SNRNP40: variants seen among roughly 807,000 people sequenced by gnomAD.
SNRNP40 encodes U5 small nuclear ribonucleoprotein 40 kDa protein.
In SNRNP40, 21 loss-of-function variants were observed where a neutral mutation model predicts 45.8. The ratio of observed to expected loss-of-function variants is 0.46; its 90% confidence interval spans 0.32 to 0.66. SNRNP40 has a LOEUF of 0.66. Among genes scored for constraint, SNRNP40 ranks in the 30% least tolerant of loss-of-function variants. SNRNP40 has a pLI of 0.03. For missense variants in SNRNP40, 344 were observed against 439.1 expected (o/e 0.78, Z 1.94); for synonymous variants, 142 against 163.8 (o/e 0.87, Z 1.01).
At chr1:31,292,090 C>T (rs371553942) in intron 2 of SNRNP40, 84 bp from the exon 3 acceptor site, 62 of 836,750 alleles carry the variant, frequency 7.4e-5, no homozygotes, top group African/African-American at 4.0e-4. Flanking sequence ...AGGTCAGGCA[C>T]GGTGGCTCAC....
At chr1:31,277,338 CT>C (rs778285148) in intron 5 of SNRNP40, among the ~76,000 whole-genome samples, 54 of 152,324 alleles carry the variant, frequency 3.5e-4, no homozygotes, top group Non-Finnish European at 3.4e-4. Context: ...AGTGACTTAT[CT>C]ATTTTTATAA....
chr1:31,264,327 C>T (rs1278170663), intron 8 of SNRNP40, among the ~76,000 whole-genome samples: 1 of 152,132 alleles, frequency 6.6e-6, no homozygotes, highest in Non-Finnish European at 1.5e-5. Flanking sequence ...ATACTCATGC[C>T]CTTCCTACTG....
At chr1:31,264,844 G>A (rs1349194858) in intron 8 of SNRNP40, among the ~76,000 whole-genome samples, 6 of 152,162 alleles carry the variant, frequency 3.9e-5, no homozygotes, top group Non-Finnish European at 7.3e-5. Context: ...GGAGTTTTCT[G>A]AGGATACATT....
At chr1:31,269,966 G>A (rs1385721888) in intron 6 of SNRNP40, among the ~76,000 whole-genome samples, 4 of 152,108 alleles carry the variant, frequency 2.6e-5, no homozygotes, top group South Asian at 2.1e-4. Context: ...GCAGTGGCGT[G>A]ATCTCGGCTC....
rs1447215670 is a variant in SNRNP40, at chr1:31,274,546, T to TGGCCC, written c.655-3048_655-3047insGGGCC. 2.0e-5 allele frequency among the ~76,000 whole-genome samples: 3 copies of TGGCCC among 151,414 alleles called. No individual in the cohort carries two copies. In the East Asian group the frequency reaches 5.9e-4, roughly 30 times the overall value. On this transcript the variant is annotated intron_variant, in intron 5 of 9. Transcript: ENST00000263694. ...TTGAGTCACCGCGCCTGGCCTGGCC[T>TGGCCC]ATATATTTAATAACTGAAGGGATGA... is the stretch of plus-strand genomic sequence containing the variant.
At chr1:31,275,620 C>G (rs1645969281) in intron 5 of SNRNP40, among the ~76,000 whole-genome samples, 1 of 152,164 alleles carries the variant, frequency 6.6e-6, no homozygotes, top group South Asian at 2.1e-4. Flanking sequence ...GAACTCCCGG[C>G]CTCAAGTGAT....
chr1:31,295,078 G>A (rs1487026943), intron 1 of SNRNP40, among the ~76,000 whole-genome samples: 2 of 152,120 alleles, frequency 1.3e-5, no homozygotes, highest in South Asian at 2.1e-4. Flanking sequence ...AACTATATAT[G>A]TGGTGTCATG....
chr1:31,287,550 A>G (rs1190668254), intron 4 of SNRNP40, among the ~76,000 whole-genome samples: 1 of 152,216 alleles, frequency 6.6e-6, no homozygotes, highest in Non-Finnish European at 1.5e-5. Flanking sequence ...ATCTTCTGAA[A>G]TGACAATTAG....
chr1:31,286,344 T>C (rs1279156123), intron 4 of SNRNP40, among the ~76,000 whole-genome samples: 2 of 152,194 alleles, frequency 1.3e-5, no homozygotes, highest in Non-Finnish European at 2.9e-5. Flanking sequence ...TATTCACTTA[T>C]TTGATTATGC....
At chr1:31,289,137 T>C (rs1646084111) in intron 4 of SNRNP40, 117 bp downstream of exon 4, 1 of 848,092 alleles carries the variant, frequency 1.2e-6, no homozygotes, top group Non-Finnish European at 1.9e-6. Flanking sequence ...AAGTGTGTTA[T>C]GGGAGATGAC....
chr1:31,280,561 T>TTTAC (rs57563698), intron 5 of SNRNP40, among the ~76,000 whole-genome samples: 1 of 151,876 alleles, frequency 6.6e-6, no homozygotes, highest in African/African-American at 2.4e-5. Context: ...AAGTTGAGTA[T>TTTAC]CTGACAGTTA....
chr1:31,282,522 T>C (rs1465511128), intron 4 of SNRNP40: 1 of 148,242 alleles, frequency 6.7e-6, no homozygotes, highest in Non-Finnish European at 1.5e-5. Context: ...TATCTATCTA[T>C]CTAATCTGGG....
chr1:31,266,659 C>A (rs1016498868), intron 8 of SNRNP40, among the ~76,000 whole-genome samples: 3 of 152,190 alleles, frequency 2.0e-5, no homozygotes, highest in South Asian at 2.1e-4. Context: ...GTGGAAAATA[C>A]CTAGTTCACA....
intron 4 of SNRNP40, among the ~76,000 whole-genome samples, chr1:31,288,670 T>TC (rs796870637): frequency 1.3e-3 from 185 of 143,320 alleles, no homozygotes; most frequent in Non-Finnish European, 2.1e-3. Flanking sequence ...GAACAGCCTT[T>TC]TTTTTTTTTT....
chr1:31,289,439 A>G lies in SNRNP40; in HGVS notation c.366-20T>C, dbSNP rs753672582. On this transcript the variant is annotated intron_variant, in intron 3 of 9. Coordinates refer to ENST00000263694, the MANE Select transcript of SNRNP40 (RefSeq NM_004814.3). Reference sequence around the variant, plus strand: ...AGCATACTAGAAAGTAAGAGAAAGAATAAAAAAGAAATAAGTGAAGATAAA... The same window carrying G: ...AGCATACTAGAAAGTAAGAGAAAGAGTAAAAAAGAAATAAGTGAAGATAAA... 3.1e-6 allele frequency: 5 copies of G among 1,600,960 alleles called. No homozygotes were observed. The highest frequency in any genetic ancestry group is 4.3e-6 in the Non-Finnish European group (5 of 1,170,300).
In SNRNP40 at chr1:31,260,066, A is replaced by AT. The variant is rs1553165759; in HGVS notation, c.*5dup. ...AAGCGGCCTTGGAGTCTTCCAGTCC[A>AT]TATCTTCACTGAATCTCTCCCATAT... On this transcript the variant is annotated 3_prime_UTR_variant, in exon 10 of 10. Transcript: ENST00000263694. 1 of 1,607,440 alleles carries AT rather than the reference A, an allele frequency of 6.2e-7. No homozygotes were observed. Among genetic ancestry groups the AT allele is most frequent in the Non-Finnish European group, 8.5e-7 (1 of 1,174,208 alleles).
At chr1:31,293,609 T>C (rs777996174) in intron 1 of SNRNP40, among the ~76,000 whole-genome samples, 1 of 152,166 alleles carries the variant, frequency 6.6e-6, no homozygotes, top group African/African-American at 2.4e-5. Flanking sequence ...GGAGATAGGG[T>C]CTCACTCTGT....
Position 31,281,461 on chromosome 1 carries a change from T to C in SNRNP40, c.567A>G (p.Thr189=), listed in dbSNP as rs747914492. The C allele has an allele frequency of 2.0e-5, 32 of 1,608,338 alleles. 1 individual carries two copies. Among genetic ancestry groups the C allele is most frequent in the Middle Eastern group, 1.7e-4 (1 of 6,054 alleles). Reference sequence around the variant, plus strand: ...CTAACACCTGGTACGTGTTCTGAAATGTCTGGATGGCTGCTTTCTTCCGGA... The same window carrying C: ...CTAACACCTGGTACGTGTTCTGAAACGTCTGGATGGCTGCTTTCTTCCGGA... ...WDIRKKAAIQ[T]FQNTYQVLAV... is the part of the protein sequence containing the mutation. The change falls in exon 5 of 10, where the codon ACA becomes ACG. Residue 189 remains threonine (T), a synonymous_variant. Coordinates refer to ENST00000263694, the MANE Select transcript of SNRNP40 (RefSeq NM_004814.3).
intron 5 of SNRNP40, among the ~76,000 whole-genome samples, chr1:31,278,605 T>A (rs1396607342): frequency 6.6e-6 from 1 of 152,208 alleles, no homozygotes; most frequent in African/African-American, 2.4e-5. Flanking sequence ...GCTATTAAAG[T>A]TGATCTAAGT....
Sources: allele counts gnomAD v4.1 joint callset (sites outside exome capture counted in the v4.1 genomes callset), GRCh38; gene constraint gnomAD v4.1.1; transcripts MANE v1.5; gene names NCBI Gene and HGNC (gene_info 2026-07-23, HGNC 2026-07-21).